Variants in UNC13C observed in about 807,000 individuals in gnomAD.
UNC13C encodes the protein unc-13 homolog C.
Under a neutral mutation model 245.4 loss-of-function variants are expected in UNC13C, and 174 were observed. The ratio of observed to expected loss-of-function variants is 0.71; its 90% confidence interval spans 0.63 to 0.80. The LOEUF (loss-of-function observed/expected upper bound fraction) is 0.80, where lower values mean the gene tolerates loss of function less well. UNC13C is among the 30% of genes least tolerant of loss of function. The probability of loss-of-function intolerance (pLI) is 0.00; values close to 1 mark genes in which losing one functional copy is unlikely to be tolerated. For missense variants in UNC13C, 2,829 were observed against 2,602.9 expected, an observed-to-expected ratio of 1.09 and a Z score of -1.89; for synonymous variants, 992 against 895.1, an observed-to-expected ratio of 1.11 and a Z score of -1.93.
chr15:54,091,182 C>A (rs1477253715), intron 2 of UNC13C, among the ~76,000 whole-genome samples: 1 of 152,114 alleles, frequency 6.6e-6, no homozygotes, highest in Admixed American at 6.5e-5. Flanking sequence ...CTGCCTCTGA[C>A]CTTTTCAGTT....
chr15:53,913,911 G>T, the UNC13C span: 1 of 152,358 alleles, frequency 6.6e-6, no homozygotes, highest in African/African-American at 2.4e-5. Context: ...AAAACCAGGT[G>T]TAGGCAAAGT....
At chr15:54,591,427 T>C (rs1898785142) in intron 30 of UNC13C, among the ~76,000 whole-genome samples, 1 of 152,188 alleles carries the variant, frequency 6.6e-6, no homozygotes, top group Non-Finnish European at 1.5e-5. Context: ...CCTGGACTTT[T>C]TTTGTTGGTA....
chr15:54,040,881 C>A (rs747957433), intron 2 of UNC13C, among the ~76,000 whole-genome samples: 3 of 152,226 alleles, frequency 2.0e-5, no homozygotes, highest in Non-Finnish European at 4.4e-5. Flanking sequence ...AGTCTTTACT[C>A]AGATCATACT....
In UNC13C at chr15:54,116,598, TAAC is replaced by T. The variant is rs370901669; in HGVS notation, c.2984-26417_2984-26415del. On this transcript the variant is annotated intron_variant, in intron 2 of 32. Coordinates refer to ENST00000260323, the MANE Select transcript of UNC13C (RefSeq NM_001080534.3). Reference sequence around the variant, plus strand: ...CCAGTTTCATCCATATTGTTGCAAATAACAATATTTTATTCATTTTCATGACTG... The same window carrying T: ...CCAGTTTCATCCATATTGTTGCAAATAATATTTTATTCATTTTCATGACTG... Among the ~76,000 whole-genome samples the T allele has an allele frequency of 8.4e-3, 1,278 of 152,280 alleles. 21 individuals carry two copies. Among genetic ancestry groups the T allele is most frequent in the African/African-American group, 0.03 (1,233 of 41,572 alleles).
chr15:54,051,166 G>C (rs1244424065), intron 2 of UNC13C, among the ~76,000 whole-genome samples: 1 of 151,970 alleles, frequency 6.6e-6, no homozygotes, highest in African/African-American at 2.4e-5. Context: ...CTGTATTTTA[G>C]ACATAGAAAG....
At chr15:54,238,084 T>TTTTTG (rs1555435679) in intron 7 of UNC13C, among the ~76,000 whole-genome samples, 3 of 147,424 alleles carry the variant, frequency 2.0e-5, no homozygotes, top group African/African-American at 7.6e-5. Flanking sequence ...AGGTTTTTTT[T>TTTTTG]TTTTTTTTTT....
chr15:54,476,256 A>G (rs1321722692), intron 19 of UNC13C, among the ~76,000 whole-genome samples: 14 of 142,140 alleles, frequency 9.8e-5, no homozygotes, highest in African/African-American at 3.2e-4. Flanking sequence ...CATTTTGTAG[A>G]TTGCCTGTTC....
At chr15:54,542,689 T>G (rs942574789) in intron 26 of UNC13C, among the ~76,000 whole-genome samples, 8 of 152,184 alleles carry the variant, frequency 5.3e-5, no homozygotes, top group African/African-American at 1.9e-4. Flanking sequence ...GCTCCTGTAT[T>G]GCGTGCATAT....
intron 24 of UNC13C, among the ~76,000 whole-genome samples, chr15:54,519,151 T>A (rs1401791769): frequency 1.3e-5 from 2 of 152,182 alleles, no homozygotes; most frequent in African/African-American, 4.8e-5. Flanking sequence ...GAAATTCTTT[T>A]TTTTTCTAAA....
chr15:54,274,165 A>C (rs1429812136), intron 10 of UNC13C, among the ~76,000 whole-genome samples: 5 of 152,186 alleles, frequency 3.3e-5, no homozygotes, highest in African/African-American at 1.2e-4. Flanking sequence ...AGAAGTGGTC[A>C]GTTCTGCCTG....
In UNC13C at chr15:54,404,306, T is replaced by A. The variant is rs576131844; in HGVS notation, c.4848-10676T>A. 2.6e-5 allele frequency among the ~76,000 whole-genome samples: 4 copies of A among 152,290 alleles called. No homozygotes were observed. The South Asian group carries it at 8.3e-4, about 32-fold the overall frequency. ...AATTTTATCCATTGTGACTGATGAA[T>A]CAGTATTATCAAATTTGGCAGTGGC... On this transcript the variant is annotated intron_variant, in intron 18 of 32. Transcript: ENST00000260323.
intron 17 of UNC13C, among the ~76,000 whole-genome samples, chr15:54,385,381 T>C (rs900305637): frequency 6.6e-6 from 1 of 152,156 alleles, no homozygotes; most frequent in African/African-American, 2.4e-5. Flanking sequence ...AATGAAATCA[T>C]GTCATTTTCA....
intron 30 of UNC13C, among the ~76,000 whole-genome samples, chr15:54,606,054 G>C (rs1899751113): frequency 6.6e-6 from 1 of 152,166 alleles, no homozygotes; most frequent in Non-Finnish European, 1.5e-5. Context: ...CTTCTGGTGA[G>C]AAAGACTTTG....
chr15:54,074,077 G>A (rs1044152438), intron 2 of UNC13C, among the ~76,000 whole-genome samples: 14 of 152,012 alleles, frequency 9.2e-5, no homozygotes, highest in South Asian at 2.1e-4. Flanking sequence ...GAAGGAGTCC[G>A]GTTTCAGTTT....
At chr15:54,178,195 A>T (rs2141297111) in intron 4 of UNC13C, among the ~76,000 whole-genome samples, 1 of 152,172 alleles carries the variant, frequency 6.6e-6, no homozygotes, top group African/African-American at 2.4e-5. Context: ...CATTGGCTGT[A>T]AGTTGATGAT....
At chr15:53,917,574 T>G in the UNC13C span, among the ~76,000 whole-genome samples, 72 of 152,328 alleles carry the variant, frequency 4.7e-4, no homozygotes, top group African/African-American at 1.6e-3. Flanking sequence ...GTGAAAATTT[T>G]GGATTTAGAG....
the UNC13C span, among the ~76,000 whole-genome samples, chr15:53,888,228 T>A: frequency 1.3e-5 from 2 of 152,212 alleles, no homozygotes; most frequent in Admixed American, 1.3e-4. Context: ...GTTTCCTGAC[T>A]TTTTAATGAT....
intron 4 of UNC13C, among the ~76,000 whole-genome samples, chr15:54,224,170 T>A (rs1442846285): frequency 6.6e-6 from 1 of 152,136 alleles, no homozygotes; most frequent in Non-Finnish European, 1.5e-5. Flanking sequence ...CAGTACTACG[T>A]TGAATAACCG....
chr15:54,500,742 C>G (rs144816169), intron 21 of UNC13C, 93 bp from the exon 22 acceptor site: 1 of 984,022 alleles, frequency 1.0e-6, no homozygotes. Context: ...ATATGTGATA[C>G]GGGAGATTCA....
Sources: gnomAD v4.1 joint callset for allele counts (sites outside exome capture counted in the v4.1 genomes callset) on GRCh38, gnomAD v4.1.1 for gene constraint, MANE v1.5 for transcripts, NCBI Gene and HGNC (gene_info 2026-07-23, HGNC 2026-07-21) for gene names.